Variants in IFT46 observed in about 807,000 individuals in gnomAD.
IFT46 encodes intraflagellar transport protein 46 homolog.
A neutral mutation model predicts 39.6 loss-of-function variants in IFT46; 19 were observed. That is an observed-to-expected ratio of 0.48 (90% CI 0.33 to 0.70). The LOEUF is 0.70. IFT46 is among the 30% of genes least tolerant of loss of function. The pLI is 0.01. For synonymous variants in IFT46, 117 were observed against 134.8 expected (o/e 0.87, Z 0.91); for missense variants, 334 against 364.8 (o/e 0.92, Z 0.69).
At chr11:118,548,626 G>A (rs1023222297) in intron 9 of IFT46, among the ~76,000 whole-genome samples, 1 of 151,762 alleles carries the variant, frequency 6.6e-6, no homozygotes, top group Non-Finnish European at 1.5e-5. Context: ...GCCTCCCAAA[G>A]TGCTGGGATT....
intron 9 of IFT46, 37 bp downstream of exon 9, chr11:118,551,749 T>C (rs782663139): frequency 3.3e-6 from 5 of 1,515,938 alleles, no homozygotes; most frequent in Non-Finnish European, 4.6e-6. Context: ...GCGAATACTG[T>C]ACTTTCTTAC....
chr11:118,573,194 C>A (rs1247276283), upstream of IFT46, among the ~76,000 whole-genome samples: 1 of 152,134 alleles, frequency 6.6e-6, no homozygotes, highest in Non-Finnish European at 1.5e-5. Flanking sequence ...ACTCGGGGTA[C>A]ATACACTGTG....
rs375706730 is a variant in IFT46 at position 118,554,538 on chromosome 11, T to C, written c.404A>G (p.Asp135Gly). 6.2e-7 allele frequency: 1 copy of C among 1,613,520 alleles called. No individual in the cohort carries two copies. The highest frequency in any genetic ancestry group is 1.3e-5 in the African/African-American group (1 of 75,020). ...GTCTGACTGCTTTGTAGAAGGTTCA[T>C]CCAATACCAATAGGCCAAGGTTGTC... ...KPDNLGLLVL[D>G]EPSTKQSDPT... is the part of the protein sequence containing the mutation. Residue 135 changes from aspartate (D) to glycine (G), a missense_variant, in exon 7 of 12, where the codon GAT becomes GGT. Asp to Gly is a moderately conservative substitution (Grantham distance 94). Coordinates refer to ENST00000264021, the MANE Select transcript of IFT46 (RefSeq NM_001168618.2).
intron 3 of IFT46, chr11:118,557,877 C>A: frequency 6.2e-7 from 1 of 1,602,796 alleles, no homozygotes; most frequent in South Asian, 1.1e-5. Context: ...CTGTGGCATG[C>A]CCTCCCTTAG....
At chr11:118,552,364 A>T in intron 7 of IFT46, 29 bp from the exon 8 acceptor site, 1 of 1,612,560 alleles carries the variant, frequency 6.2e-7, no homozygotes, top group Non-Finnish European at 8.5e-7. Flanking sequence ...AGCCTAGCTG[A>T]TGGCACTGAA....
At chr11:118,559,918 A>G in intron 2 of IFT46, 54 bp from the exon 3 acceptor site, 1 of 1,042,002 alleles carries the variant, frequency 9.6e-7, no homozygotes, top group Non-Finnish European at 1.4e-6. Flanking sequence ...TTTAAAAACA[A>G]GTATTTTTTA....
intron 2 of IFT46, among the ~76,000 whole-genome samples, chr11:118,561,997 G>A (rs1427386989): frequency 1.3e-5 from 2 of 151,918 alleles, no homozygotes; most frequent in Non-Finnish European, 2.9e-5. Flanking sequence ...AAATTAGGCC[G>A]GGCACAGTGG....
chr11:118,545,649 C>A, intron 10 of IFT46, 144 bp downstream of exon 10: 1 of 1,107,340 alleles, frequency 9.0e-7, no homozygotes, highest in African/African-American at 1.5e-5. Context: ...CAAACACCAC[C>A]TTTGAGTGCT....
At chr11:118,546,452 C>A (rs1951688450) in intron 9 of IFT46, 2 of 365,872 alleles carry the variant, frequency 5.5e-6, no homozygotes, top group Admixed American at 7.8e-5. Context: ...GATTGAGCTA[C>A]TGCACTCCAG....
intron 1 of IFT46, among the ~76,000 whole-genome samples, chr11:118,571,558 T>C (rs1938336312): frequency 6.6e-6 from 1 of 152,220 alleles, no homozygotes; most frequent in Admixed American, 6.5e-5. Flanking sequence ...CCAACAATTA[T>C]TATGATAGCC....
upstream of IFT46, among the ~76,000 whole-genome samples, chr11:118,576,336 A>G (rs1413928838): frequency 6.7e-6 from 1 of 149,728 alleles, no homozygotes; most frequent in Non-Finnish European, 1.5e-5. Flanking sequence ...GAGATCATCT[A>G]ACTTATGGGC....
chr11:118,546,753 G>A (rs999565179), intron 9 of IFT46: 4 of 152,690 alleles, frequency 2.6e-5, no homozygotes, highest in African/African-American at 9.7e-5. Context: ...AAAAGAAACT[G>A]ATACCAAGTT....
At chr11:118,548,102 T>G (rs1195130643) in intron 9 of IFT46, among the ~76,000 whole-genome samples, 1 of 148,388 alleles carries the variant, frequency 6.7e-6, no homozygotes, top group Non-Finnish European at 1.5e-5. Context: ...AGGCTGGTCC[T>G]GAACTCCTGG....
intron 9 of IFT46, among the ~76,000 whole-genome samples, chr11:118,549,841 A>G (rs1951774791): frequency 6.6e-6 from 1 of 150,556 alleles, no homozygotes; most frequent in African/African-American, 2.4e-5. Context: ...TGGTTTTAAC[A>G]GAGATGGGTC....
chr11:118,550,093 C>A (rs781048782), intron 9 of IFT46, among the ~76,000 whole-genome samples: 1 of 152,032 alleles, frequency 6.6e-6, no homozygotes, highest in Admixed American at 6.6e-5. Context: ...CACCACCACA[C>A]CCAGCTAATT....
exon 1 of IFT46, chr11:118,572,779 A>C: frequency 2.1e-6 from 1 of 470,522 alleles, no homozygotes; most frequent in Non-Finnish European, 3.8e-6. Context: ...CCACCCCCCA[A>C]CCAGCTGGAC....
intron 3 of IFT46, chr11:118,557,821 G>A (rs1555069834): frequency 2.5e-6 from 4 of 1,614,114 alleles, no homozygotes; most frequent in East Asian, 2.2e-5. Context: ...AGACTTGCAG[G>A]GGCAGGTGGA....
intron 3 of IFT46, chr11:118,557,476 G>A (rs1846666930): frequency 2.1e-6 from 1 of 475,176 alleles, no homozygotes; most frequent in Non-Finnish European, 3.7e-6. Context: ...CCATAGAGAG[G>A]AAATCTAATA....
upstream of IFT46, among the ~76,000 whole-genome samples, chr11:118,567,530 C>A (rs1290964687): frequency 3.3e-5 from 5 of 152,108 alleles, no homozygotes; most frequent in Non-Finnish European, 5.9e-5. Context: ...GAGCCGAGAT[C>A]GCACCACTGC....
Sources: allele counts gnomAD v4.1 joint callset (sites outside exome capture counted in the v4.1 genomes callset), GRCh38; gene constraint gnomAD v4.1.1; transcripts MANE v1.5; gene names NCBI Gene and HGNC (gene_info 2026-07-23, HGNC 2026-07-21).